ADAMTSL3: variants seen among roughly 807,000 people sequenced by gnomAD.
ADAMTSL3 encodes the protein ADAMTS like 3, also known as ADAMTS-like protein 3.
A neutral mutation model predicts 201.7 loss-of-function variants in ADAMTSL3; 128 were observed. The observed-to-expected ratio is 0.63, with a 90% CI of 0.55 to 0.73. ADAMTSL3 has a LOEUF of 0.73. Among genes scored for constraint, ADAMTSL3 ranks in the 30% least tolerant of loss-of-function variants. ADAMTSL3 has a pLI of 0.00. For missense variants in ADAMTSL3, 1,990 were observed against 2,119.6 expected (o/e 0.94, Z 1.20); for synonymous variants, 738 against 748.4 (o/e 0.99, Z 0.23).
intron 2 of ADAMTSL3, among the ~76,000 whole-genome samples, chr15:83,691,591 A>G (rs1386730474): frequency 6.6e-6 from 1 of 152,190 alleles, no homozygotes; most frequent in Non-Finnish European, 1.5e-5. Context: ...ATTCAAACCC[A>G]AAACCAAGTT....
At chr15:83,997,474 A>G (rs930403326) in intron 23 of ADAMTSL3, among the ~76,000 whole-genome samples, 6 of 152,188 alleles carry the variant, frequency 3.9e-5, no homozygotes, top group Non-Finnish European at 7.3e-5. Context: ...CTGTAATCCC[A>G]GCTACTTGGG....
At chr15:83,689,868 T>G (rs907841346) in intron 2 of ADAMTSL3, among the ~76,000 whole-genome samples, 1 of 152,216 alleles carries the variant, frequency 6.6e-6, no homozygotes, top group South Asian at 2.1e-4. Flanking sequence ...GAATGTTGTG[T>G]AGAGCACACA....
At chr15:83,820,699 G>C (rs989480024) in intron 6 of ADAMTSL3, among the ~76,000 whole-genome samples, 1 of 152,228 alleles carries the variant, frequency 6.6e-6, no homozygotes, top group African/African-American at 2.4e-5. Context: ...CATTCCAGCA[G>C]ATTTTTCAGA....
chr15:84,006,707 T>A (rs1295388255), intron 23 of ADAMTSL3, among the ~76,000 whole-genome samples: 3 of 152,228 alleles, frequency 2.0e-5, no homozygotes, highest in Non-Finnish European at 4.4e-5. Context: ...TTTCTGACGT[T>A]TTATAGCTGT....
chr15:83,988,137 TC>T lies in ADAMTSL3; in HGVS notation c.3717-553del. Among the ~76,000 whole-genome samples, 2 of 152,290 alleles carry T rather than the reference TC, an allele frequency of 1.3e-5. 1 individual carries two copies. Among genetic ancestry groups the T allele is most frequent in the Middle Eastern group, 6.8e-3 (2 of 294 alleles). Reference sequence around the variant, plus strand: ...TGAACTCATGCAGGTTAGCCCTAATTCTTAACAGCATGGTCCAAATCCAGTG... The same window carrying T: ...TGAACTCATGCAGGTTAGCCCTAATTTTAACAGCATGGTCCAAATCCAGTG... On this transcript the variant is annotated intron_variant, in intron 21 of 29. Coordinates refer to ENST00000286744, the MANE Select transcript of ADAMTSL3 (RefSeq NM_207517.3).
chr15:83,930,570 C>A (rs1030976461), intron 17 of ADAMTSL3, among the ~76,000 whole-genome samples: 3 of 152,196 alleles, frequency 2.0e-5, no homozygotes, highest in African/African-American at 7.2e-5. Flanking sequence ...AGAGTTCTTA[C>A]ACATTCTCTT....
intron 10 of ADAMTSL3, among the ~76,000 whole-genome samples, chr15:83,888,277 T>A (rs1482994127): frequency 6.6e-6 from 1 of 152,256 alleles, no homozygotes; most frequent in Non-Finnish European, 1.5e-5. Flanking sequence ...GCCTCATTTC[T>A]TTTGCTTTTT....
At chr15:83,717,224 T>C (rs541322650) in intron 3 of ADAMTSL3, among the ~76,000 whole-genome samples, 1 of 152,334 alleles carries the variant, frequency 6.6e-6, no homozygotes, top group African/African-American at 2.4e-5. Context: ...TGTGGCATCA[T>C]GCTGGGTGTA....
intron 9 of ADAMTSL3, among the ~76,000 whole-genome samples, chr15:83,874,221 A>T (rs1276418302): frequency 6.9e-6 from 1 of 145,110 alleles, no homozygotes; most frequent in Admixed American, 6.7e-5. Context: ...TCTCCAGGGC[A>T]GGGAGGCTTT....
In ADAMTSL3 at chr15:83,819,979, C is replaced by T. The variant is rs1168231825; in HGVS notation, c.532C>T (p.Pro178Ser). 3 of 1,613,994 alleles carry T rather than the reference C, an allele frequency of 1.9e-6. No homozygotes were observed. Among genetic ancestry groups the T allele is most frequent in the South Asian group, 1.1e-5 (1 of 91,078 alleles). The change falls in exon 6 of 30, where the codon CCT (proline) becomes TCT (serine). Residue 178 changes from proline to serine, a missense_variant. By Grantham distance (74) the Pro-to-Ser change is moderately conservative (BLOSUM62 -1). Coordinates refer to ENST00000286744, the MANE Select transcript of ADAMTSL3 (RefSeq NM_207517.3). ...QGQNLVVELA[P>S]KVLDGTRCNT... ...ACAAAACTTGGTGGTGGAGCTGGCA[C>T]CTAAGGTACTGGATGGAACTCGTTG...
chr15:83,718,115 A>G (rs865791794), intron 3 of ADAMTSL3, among the ~76,000 whole-genome samples: 7 of 152,278 alleles, frequency 4.6e-5, no homozygotes, highest in South Asian at 2.1e-4. Context: ...ACAAAACCAA[A>G]CCAGGACATA....
rs762061262 is a variant in ADAMTSL3, at chr15:83,913,277, C to T, written c.1886C>T (p.Pro629Leu). The T allele has an allele frequency of 1.2e-5, 19 of 1,613,854 alleles. No individual in the cohort carries two copies. In the African/African-American group the frequency reaches 1.3e-4, roughly 11 times the overall value. The change falls in exon 16 of 30, where the codon CCG (proline) becomes CTG (leucine). Residue 629 changes from proline (P) to leucine (L), a missense_variant. By Grantham distance (98) the Pro-to-Leu change is moderately conservative. Coordinates refer to ENST00000286744, the MANE Select transcript of ADAMTSL3 (RefSeq NM_207517.3). ...PCLLEACDES[P>L]ASRELDIPLP... ...CTCCTGGAAGCATGTGATGAGAGCC[C>T]GGCCTCCCGAGAGCTAGACATCCCT...
chr15:83,982,712 C>T lies in ADAMTSL3; in HGVS notation c.3084C>T (p.Val1028=). 1 of 1,614,018 alleles carries T rather than the reference C, an allele frequency of 6.2e-7. No individual in the cohort carries two copies. The highest frequency in any genetic ancestry group is 8.5e-7 in the Non-Finnish European group (1 of 1,180,026). ...ACAGCGAAGCCAATAGTTTGGGAGT[C>T]ACATGGCACAAAATGAGGCAAATGT... ...MDHSEANSLG[V]TWHKMRQMWN... The change falls in exon 21 of 30, where the codon GTC becomes GTT. Residue 1028 remains valine, a synonymous_variant. Transcript: ENST00000286744.
chr15:83,836,007 T>C (rs2064261983), intron 6 of ADAMTSL3, among the ~76,000 whole-genome samples: 1 of 152,242 alleles, frequency 6.6e-6, no homozygotes, highest in Admixed American at 6.5e-5. Flanking sequence ...TATCACCTCA[T>C]GACAAAATTG....
intron 3 of ADAMTSL3, among the ~76,000 whole-genome samples, chr15:83,724,675 G>A (rs914009522): frequency 6.6e-6 from 1 of 151,146 alleles, no homozygotes; most frequent in Non-Finnish European, 1.5e-5. Context: ...GTACCCATTA[G>A]CCATCCCCAC....
At chr15:83,779,949 G>A (rs1002781137) in intron 4 of ADAMTSL3, among the ~76,000 whole-genome samples, 3 of 152,102 alleles carry the variant, frequency 2.0e-5, no homozygotes, top group African/African-American at 7.2e-5. Flanking sequence ...AGGGAAATTT[G>A]TAGCACTAAA....
chr15:83,920,183 C>G (rs1006897393), intron 16 of ADAMTSL3, among the ~76,000 whole-genome samples: 3 of 152,164 alleles, frequency 2.0e-5, no homozygotes, highest in Non-Finnish European at 2.9e-5. Flanking sequence ...ATTGCATTGG[C>G]CCACTATGGG....
intron 2 of ADAMTSL3, among the ~76,000 whole-genome samples, chr15:83,688,313 C>G (rs542549134): frequency 6.6e-6 from 1 of 152,264 alleles, no homozygotes; most frequent in South Asian, 2.1e-4. Flanking sequence ...AGTTTTCAAC[C>G]AAACGTTATG....
At chr15:83,770,191 A>G (rs1327817373) in intron 3 of ADAMTSL3, among the ~76,000 whole-genome samples, 1 of 152,138 alleles carries the variant, frequency 6.6e-6, no homozygotes, top group African/African-American at 2.4e-5. Flanking sequence ...GAAAAATGAT[A>G]TGGATTTAAT....
Sources: allele counts gnomAD v4.1 joint callset (sites outside exome capture counted in the v4.1 genomes callset), GRCh38; gene constraint gnomAD v4.1.1; transcripts MANE v1.5; gene names NCBI Gene and HGNC (gene_info 2026-07-23, HGNC 2026-07-21).